Variants in MS4A1 observed in about 807,000 individuals in gnomAD.
MS4A1 encodes the protein membrane spanning 4-domains A1.
A neutral mutation model predicts 26.5 loss-of-function variants in MS4A1; 16 were observed. The ratio of observed to expected loss-of-function variants is 0.60; its 90% CI spans 0.41 to 0.92. The LOEUF is 0.92. Ranked by LOEUF, MS4A1 falls within the 40% of genes least tolerant of loss-of-function variation. The pLI is 0.00. For missense variants in MS4A1, 350 were observed against 353.0 expected (o/e 0.99, Z 0.07); for synonymous variants, 128 against 117.6 (o/e 1.09, Z -0.57).
At chr11:60,467,544 G>A (rs1020536445) in intron 7 of MS4A1, among the ~76,000 whole-genome samples, 3 of 151,994 alleles carry the variant, frequency 2.0e-5, no homozygotes, top group Non-Finnish European at 4.4e-5. Context: ...CGAAAGTGCT[G>A]GGATTGCAGG....
chr11:60,456,683 A>T (rs1313974555), intron 1 of MS4A1, among the ~76,000 whole-genome samples: 1 of 152,228 alleles, frequency 6.6e-6, no homozygotes, highest in Admixed American at 6.5e-5. Context: ...AATCCAGTAT[A>T]TAAGTGATTC....
At chr11:60,463,647 A>C (rs922449230) in intron 4 of MS4A1, 2 of 372,066 alleles carry the variant, frequency 5.4e-6, no homozygotes, top group African/African-American at 4.2e-5. Context: ...TAGGACAGTG[A>C]TGTTTATTTC....
chr11:60,460,239 C>T (rs2086237456), intron 1 of MS4A1, among the ~76,000 whole-genome samples: 1 of 151,972 alleles, frequency 6.6e-6, no homozygotes, highest in South Asian at 2.1e-4. Flanking sequence ...GAGCGAGGCC[C>T]TGTCATGAAA....
intron 2 of MS4A1, among the ~76,000 whole-genome samples, chr11:60,461,764 C>T (rs2086249978): frequency 6.6e-6 from 1 of 151,716 alleles, no homozygotes; most frequent in African/African-American, 2.4e-5. Flanking sequence ...AGGTGATCTG[C>T]CCATCTTGGC....
intron 3 of MS4A1, 141 bp from the exon 4 acceptor site, chr11:60,462,861 G>A (rs1167333310): frequency 4.5e-6 from 6 of 1,319,260 alleles, no homozygotes; most frequent in Non-Finnish European, 6.5e-6. Context: ...ACAAGAAAAA[G>A]ACAAAATTCT....
At position 60,456,478 on chromosome 11, in the gene MS4A1, A is replaced by G. The variant is rs539712720; in HGVS notation, c.-280+533A>G. On this transcript the variant is annotated intron_variant, in intron 1 of 7. Coordinates refer to ENST00000345732, the MANE Select transcript of MS4A1 (RefSeq NM_152866.3). Reference sequence around the variant, plus strand: ...ATGCTTTTGTCTACATTAAATGTAAATATACCTAGAAGTATAGGTGGCTTT... The same window carrying G: ...ATGCTTTTGTCTACATTAAATGTAAGTATACCTAGAAGTATAGGTGGCTTT... Among the ~76,000 whole-genome samples, 12 of 152,334 alleles carry G rather than the reference A, an allele frequency of 7.9e-5. No homozygotes were observed. In the South Asian group the frequency reaches 1.9e-3, roughly 24 times the overall value.
At position 60,469,759 on chromosome 11, in the gene MS4A1, C is replaced by T. The variant is rs2086327913; in HGVS notation, c.*1291C>T. On this transcript the variant is annotated 3_prime_UTR_variant, in exon 8 of 8. Coordinates refer to ENST00000345732, the MANE Select transcript of MS4A1 (RefSeq NM_152866.3). The stretch of plus-strand genomic sequence containing the variant: ...ATGCCGAATCTGAGTCAACAGCTGC[C>T]CTACTTTTCAATTCAGATATACTAG... The T allele has an allele frequency of 6.6e-6, 1 of 152,012 alleles. No individual in the cohort carries two copies. Among genetic ancestry groups the T allele is most frequent in the Non-Finnish European group, 1.5e-5 (1 of 67,926 alleles). 9.4% of individuals were successfully genotyped at this position (152,012 alleles called of 1,614,324 possible). A position where few individuals can be genotyped will look rare whatever the true frequency, so the allele number is the denominator to read the frequency against.
At chr11:60,462,643 A>G in intron 3 of MS4A1, 110 bp downstream of exon 3, 1 of 1,419,702 alleles carries the variant, frequency 7.0e-7, no homozygotes, top group Non-Finnish European at 9.9e-7. Flanking sequence ...TTGGGATCCA[A>G]CCTGATGTCT....
Position 60,470,589 on chromosome 11 carries a change from C to T in MS4A1, c.*2121C>T, listed in dbSNP as rs1004189499. 1.3e-5 allele frequency: 2 copies of T among 151,786 alleles called. No homozygotes were observed. Among genetic ancestry groups the T allele is most frequent in the South Asian group, 2.1e-4 (1 of 4,818 alleles). The allele number at this position is 151,786 out of a possible 1,614,324, so 9.4% of individuals were successfully genotyped here. On this transcript the variant is annotated 3_prime_UTR_variant, in exon 8 of 8. Transcript: ENST00000345732. ...TCCTATGACCTTCTCCCCGATTATC[C>T]CTTTGGCAATATAGAGTCAAATAAT...
intron 5 of MS4A1, among the ~76,000 whole-genome samples, chr11:60,465,278 A>T (rs1590846470): frequency 6.6e-6 from 1 of 152,232 alleles, no homozygotes; most frequent in South Asian, 2.1e-4. Flanking sequence ...AAGGTAGAAC[A>T]TTCACACTGA....
intron 7 of MS4A1, 121 bp from the exon 8 acceptor site, chr11:60,468,129 A>G (rs2086310159): frequency 2.1e-6 from 2 of 938,188 alleles, no homozygotes; most frequent in South Asian, 3.2e-5. Context: ...ATTTAAAGGC[A>G]TATAATAAAT....
At chr11:60,459,260 T>G (rs968616128) in intron 1 of MS4A1, among the ~76,000 whole-genome samples, 1 of 152,220 alleles carries the variant, frequency 6.6e-6, no homozygotes, top group African/African-American at 2.4e-5. Context: ...CCATAGGACC[T>G]TGGGAAAAAT....
intron 1 of MS4A1, among the ~76,000 whole-genome samples, chr11:60,459,363 T>G (rs760261855): frequency 3.9e-5 from 6 of 152,188 alleles, no homozygotes; most frequent in Non-Finnish European, 7.3e-5. Context: ...CCATATACAA[T>G]ATCTCTAGTA....
rs2086287685 is a variant in MS4A1, at chr11:60,465,963, G to A, written c.379G>A (p.Ala127Thr). 1.2e-6 allele frequency: 2 copies of A among 1,613,746 alleles called. No homozygotes were observed. The highest frequency in any genetic ancestry group is 1.3e-5 in the African/African-American group (1 of 74,906). ...MIMNSLSLFA[A>T]ISGMILSIMD... ...AATGAATTCATTGAGCCTCTTTGCT[G>A]CCATTTCTGGAATGATTCTTTCAAT... The change falls in exon 6 of 8, where the codon GCC (alanine) becomes ACC (threonine). Residue 127 changes from alanine (A) to threonine (T), a missense_variant. Physicochemically the swap from Ala to Thr is moderately conservative, Grantham distance 58 (BLOSUM62 0). Transcript: ENST00000345732.
intron 1 of MS4A1, among the ~76,000 whole-genome samples, chr11:60,456,978 G>A (rs1027290818): frequency 6.6e-6 from 1 of 152,154 alleles, no homozygotes; most frequent in Non-Finnish European, 1.5e-5. Context: ...TGAGTTTGAT[G>A]TTCAGCTTAA....
rs1331695493 is a variant in MS4A1 at position 60,468,759 on chromosome 11, C to G, written c.*291C>G. On this transcript the variant is annotated 3_prime_UTR_variant, in exon 8 of 8. Coordinates refer to ENST00000345732, the MANE Select transcript of MS4A1 (RefSeq NM_152866.3). ...CCTACTAACCTGTTCCTTGGATAGG[C>G]TTTTTAGTATAGTATTTTTTTTTGT... is the stretch of plus-strand genomic sequence containing the variant. 2 of 393,552 alleles carry G rather than the reference C, an allele frequency of 5.1e-6. No homozygotes were observed. The allele number at this position is 393,552 out of a possible 1,614,324, so 24.4% of individuals were successfully genotyped here.
At chr11:60,465,476 A>G (rs1422088225) in intron 5 of MS4A1, among the ~76,000 whole-genome samples, 1 of 152,176 alleles carries the variant, frequency 6.6e-6, no homozygotes, top group Non-Finnish European at 1.5e-5. Flanking sequence ...CCCAACCTAT[A>G]CTTCATAATA....
chr11:60,466,737 G>A, intron 6 of MS4A1: 1 of 565,774 alleles, frequency 1.8e-6, no homozygotes, highest in South Asian at 1.9e-5. Flanking sequence ...CTTTCTATCA[G>A]CAATACACAT....
At chr11:60,466,182 A>T in intron 6 of MS4A1, 25 bp downstream of exon 6, 1 of 1,539,190 alleles carries the variant, frequency 6.5e-7, no homozygotes, top group Non-Finnish European at 9.0e-7. Flanking sequence ...TAAGTGTGAG[A>T]TTGGATTTCT....
Sources: gnomAD v4.1 joint callset for allele counts (sites outside exome capture counted in the v4.1 genomes callset) on GRCh38, gnomAD v4.1.1 for gene constraint, MANE v1.5 for transcripts, NCBI Gene and HGNC (gene_info 2026-07-23, HGNC 2026-07-21) for gene names.